Variants in HDAC9 observed in about 807,000 individuals in gnomAD.
The protein encoded by HDAC9 is MEF-2 interacting transcription repressor (MITR) protein.
Under a neutral mutation model 139.4 loss-of-function variants are expected in HDAC9, and 41 were observed. The observed-to-expected ratio is 0.29, with a 90% CI of 0.23 to 0.38. HDAC9 has a LOEUF of 0.38. HDAC9 is among the 10% of genes least tolerant of loss of function. HDAC9 has a pLI of 1.00. For missense variants in HDAC9, 1,147 were observed against 1,297.0 expected, an observed-to-expected ratio of 0.88 and a Z score of 1.78; for synonymous variants, 517 against 476.2, an observed-to-expected ratio of 1.09 and a Z score of -1.12.
At chr7:18,648,021 G>T in intron 10 of HDAC9, 23 bp downstream of exon 10, 1 of 1,552,220 alleles carries the variant, frequency 6.4e-7, no homozygotes, top group Non-Finnish European at 8.8e-7. Context: ...GGCACCATTT[G>T]CAGGTCATTT....
intron 2 of HDAC9, among the ~76,000 whole-genome samples, chr7:18,574,729 G>T (rs1825461467): frequency 6.6e-6 from 1 of 152,258 alleles, no homozygotes; most frequent in Non-Finnish European, 1.5e-5. Context: ...TGGCGTGTCA[G>T]TGCTGCCCTG....
At chr7:18,988,225 C>G (rs142411731) in intron 25 of HDAC9, among the ~76,000 whole-genome samples, 73 of 152,220 alleles carry the variant, frequency 4.8e-4, no homozygotes, top group African/African-American at 1.7e-3. Context: ...CCTCTACATA[C>G]TGCTTTGAAT....
At chr7:18,885,497 C>G (rs1800073546) in intron 22 of HDAC9, among the ~76,000 whole-genome samples, 1 of 152,006 alleles carries the variant, frequency 6.6e-6, no homozygotes, top group South Asian at 2.1e-4. Context: ...CCTCTGAAAC[C>G]ATTACAAAAT....
intron 9 of HDAC9, among the ~76,000 whole-genome samples, chr7:18,645,080 C>T (rs1365253669): frequency 2.6e-5 from 4 of 152,032 alleles, no homozygotes; most frequent in African/African-American, 9.7e-5. Flanking sequence ...AATAGCTCCA[C>T]ACAGCCATCC....
chr7:18,958,102 G>T (rs143887857), intron 24 of HDAC9, among the ~76,000 whole-genome samples: 2 of 152,232 alleles, frequency 1.3e-5, no homozygotes, highest in East Asian at 3.9e-4. Context: ...TTTCCAACAG[G>T]ATCATTTATG....
chr7:18,965,333 A>G (rs1783775972), intron 24 of HDAC9, among the ~76,000 whole-genome samples: 1 of 152,232 alleles, frequency 6.6e-6, no homozygotes, highest in East Asian at 1.9e-4. Context: ...CATTCAATGC[A>G]TTTTAGTAAT....
At chr7:18,125,472 G>A (rs1365434355) in intron 1 of HDAC9, among the ~76,000 whole-genome samples, 1 of 151,824 alleles carries the variant, frequency 6.6e-6, no homozygotes, top group Non-Finnish European at 1.5e-5. Flanking sequence ...GGAGCAACAA[G>A]ATGAGGACTG....
At chr7:18,400,365 GTGAT>G (rs1370541664) in intron 1 of HDAC9, among the ~76,000 whole-genome samples, 1 of 152,186 alleles carries the variant, frequency 6.6e-6, no homozygotes, top group Non-Finnish European at 1.5e-5. Flanking sequence ...GATTTGGAGA[GTGAT>G]TGACAGGGAA....
At chr7:18,483,734 A>T (rs2128129708) in intron 1 of HDAC9, among the ~76,000 whole-genome samples, 1 of 152,284 alleles carries the variant, frequency 6.6e-6, no homozygotes, top group East Asian at 1.9e-4. Flanking sequence ...CATTTATCTC[A>T]AATTTTCTAA....
intron 2 of HDAC9, among the ~76,000 whole-genome samples, chr7:18,579,163 C>G (rs1688984148): frequency 6.6e-6 from 1 of 152,050 alleles, no homozygotes; most frequent in Admixed American, 6.6e-5. Context: ...ACCAGCCTGC[C>G]ATGGCAAAGA....
intron 2 of HDAC9, among the ~76,000 whole-genome samples, chr7:18,232,949 GT>G (rs1290595291): frequency 6.6e-6 from 1 of 152,106 alleles, no homozygotes; most frequent in Non-Finnish European, 1.5e-5. Context: ...ATAATAAACA[GT>G]TTTGCGTGCT....
intron 1 of HDAC9, among the ~76,000 whole-genome samples, chr7:18,489,265 A>T (rs1796194802): frequency 6.6e-6 from 1 of 152,064 alleles, no homozygotes; most frequent in South Asian, 2.1e-4. Flanking sequence ...TGAGTAAATA[A>T]TTCAACATTT....
chr7:18,332,931 G>C (rs1398843443), intron 1 of HDAC9, among the ~76,000 whole-genome samples: 1 of 151,396 alleles, frequency 6.6e-6, no homozygotes, highest in Non-Finnish European at 1.5e-5. Context: ...ATTTACACAA[G>C]GATCCCTTCT....
chr7:18,552,960 C>G (rs1398825154), intron 2 of HDAC9, among the ~76,000 whole-genome samples: 2 of 152,178 alleles, frequency 1.3e-5, no homozygotes, highest in Admixed American at 1.3e-4. Flanking sequence ...TCCAAGTGTA[C>G]TGGCAGCGTG....
intron 12 of HDAC9, among the ~76,000 whole-genome samples, chr7:18,685,206 C>T (rs1782180426): frequency 6.6e-6 from 1 of 152,018 alleles, no homozygotes; most frequent in Admixed American, 6.6e-5. Context: ...TGGTGTTTTG[C>T]TGGAAAGCTC....
At chr7:18,836,640 T>A (rs1264442677) in intron 21 of HDAC9, among the ~76,000 whole-genome samples, 1 of 152,128 alleles carries the variant, frequency 6.6e-6, no homozygotes, top group African/African-American at 2.4e-5. Flanking sequence ...TAAATATTAA[T>A]ATAAATAAGA....
At chr7:18,912,462 A>T (rs1043710607) in intron 22 of HDAC9, among the ~76,000 whole-genome samples, 2 of 152,072 alleles carry the variant, frequency 1.3e-5, no homozygotes, top group Non-Finnish European at 2.9e-5. Context: ...AAAATATGTT[A>T]TGCATTGAAT....
chr7:18,584,305 T>C (rs1284774909), intron 2 of HDAC9, among the ~76,000 whole-genome samples: 1 of 151,934 alleles, frequency 6.6e-6, no homozygotes, highest in Non-Finnish European at 1.5e-5. Context: ...ATTTTTTGTA[T>C]TTTTAGTAGA....
intron 1 of HDAC9, among the ~76,000 whole-genome samples, chr7:18,402,242 T>C (rs931406228): frequency 2.6e-5 from 4 of 152,154 alleles, no homozygotes; most frequent in African/African-American, 9.7e-5. Flanking sequence ...ATCAATATAA[T>C]ATAATAGGCA....
Sources: gnomAD v4.1 joint callset for allele counts (sites outside exome capture counted in the v4.1 genomes callset) on GRCh38, gnomAD v4.1.1 for gene constraint, MANE v1.5 for transcripts, NCBI Gene and HGNC (gene_info 2026-07-23, HGNC 2026-07-21) for gene names.